Variants in SLC39A14 observed in about 807,000 individuals in gnomAD.
SLC39A14 encodes solute carrier family 39 member 14, also known as metal cation symporter ZIP14.
In SLC39A14, 19 loss-of-function variants were observed where a neutral mutation model predicts 45.5. The ratio of observed to expected loss-of-function variants is 0.42; its 90% CI spans 0.29 to 0.61. SLC39A14 has a LOEUF of 0.61. SLC39A14 is among the 20% of genes least tolerant of loss of function. The pLI is 0.22. For synonymous variants in SLC39A14, 264 were observed against 251.3 expected, an observed-to-expected ratio of 1.05 and a Z score of -0.48; for missense variants, 447 against 616.5, an observed-to-expected ratio of 0.73 and a Z score of 2.91.
Position 22,407,263 on chromosome 8 carries a change from C to T in SLC39A14, c.271-1047C>T, listed in dbSNP as rs192749872. On this transcript the variant is annotated intron_variant, in intron 2 of 8. Transcript: ENST00000381237. ...CAGCTTCAGAGAAGTAGCTGGAACC[C>T]GCATTTTAACATAATAGCTCCCTGG... Among the ~76,000 whole-genome samples the T allele has an allele frequency of 1.8e-3, 275 of 152,286 alleles. 3 individuals are homozygous for T. Among genetic ancestry groups the T allele is most frequent in the Non-Finnish European group, 2.7e-3 (187 of 68,030 alleles).
At chr8:22,404,535 C>G (rs1020765923) in intron 1 of SLC39A14, 161 bp from the exon 2 acceptor site, 1 of 520,660 alleles carries the variant, frequency 1.9e-6, no homozygotes, top group African/African-American at 2.4e-5. Context: ...TTATTCTGTG[C>G]TTTCAAAAGA....
At chr8:22,427,733 T>C (rs1836409160), downstream of SLC39A14, among the ~76,000 whole-genome samples, 1 of 152,214 alleles carries the variant, frequency 6.6e-6, no homozygotes, top group Non-Finnish European at 1.5e-5. Flanking sequence ...TAGGATTCTT[T>C]CCCCCTCTTG....
Position 22,422,624 on chromosome 8 carries a change from G to T in SLC39A14, c.*2926G>T. ...TTAGAAAAGAAAATTAACTTATGTG[G>T]ACTGTAAATGTTTTATTTGTAAGAT... On this transcript the variant is annotated 3_prime_UTR_variant, in exon 9 of 9. Coordinates refer to ENST00000381237, the MANE Select transcript of SLC39A14 (RefSeq NM_001128431.4). The T allele has an allele frequency of 5.1e-6, 5 of 981,952 alleles. No individual in the cohort carries two copies. Among genetic ancestry groups the T allele is most frequent in the Non-Finnish European group, 6.0e-6 (5 of 826,674 alleles). The allele number at this position is 981,952 out of a possible 1,614,324, so 60.8% of individuals were successfully genotyped here.
Position 22,367,340 on chromosome 8 carries a change from C to G in SLC39A14, c.-84C>G, listed in dbSNP as rs1010959536. The G allele has an allele frequency of 6.6e-6, 1 of 151,910 alleles. No homozygotes were observed. The highest frequency in any genetic ancestry group is 6.6e-5 in the Admixed American group (1 of 15,224). 9.4% of individuals were successfully genotyped at this position (151,910 alleles called of 1,614,324 possible). A position where few individuals can be genotyped will look rare whatever the true frequency, so the allele number is the denominator to read the frequency against. The stretch of plus-strand genomic sequence containing the variant: ...CGCGGACGCACCGGCTAAGCTGCTT[C>G]TGCCGCCGCCGGCCGCCTGGGACCT... On this transcript the variant is annotated 5_prime_UTR_variant, in exon 1 of 9. Coordinates refer to ENST00000381237, the MANE Select transcript of SLC39A14 (RefSeq NM_001128431.4). The surrounding 1 kb of genome is among the most constrained non-coding windows in gnomAD (Gnocchi z 4.2).
At chr8:22,376,132 T>A (rs893080558) in intron 1 of SLC39A14, among the ~76,000 whole-genome samples, 4 of 152,176 alleles carry the variant, frequency 2.6e-5, no homozygotes, top group African/African-American at 9.7e-5. Context: ...CGCAAAGTGA[T>A]GTTGCATCCT....
At chr8:22,376,661 C>T (rs936615659) in intron 1 of SLC39A14, among the ~76,000 whole-genome samples, 6 of 152,014 alleles carry the variant, frequency 3.9e-5, no homozygotes, top group East Asian at 1.9e-4. Flanking sequence ...AGGCAAAGGC[C>T]GACGTCGGGA....
At position 22,408,505 on chromosome 8, in the gene SLC39A14, G is replaced by A. The variant is rs1477311039; in HGVS notation, c.457+9G>A. 2 of 1,608,354 alleles carry A rather than the reference G, an allele frequency of 1.2e-6. No homozygotes were observed. The highest frequency in any genetic ancestry group is 1.7e-6 in the Non-Finnish European group (2 of 1,176,674). On this transcript the variant is annotated intron_variant, in intron 3 of 8. Transcript: ENST00000381237. ...GCCAAGCGCTGTTGAAGGTGAGCCA[G>A]GCCAGGAAGGCAGGAGCCCATCTCC...
chr8:22,385,058 A>C (rs564417951), intron 1 of SLC39A14, among the ~76,000 whole-genome samples: 2 of 151,504 alleles, frequency 1.3e-5, no homozygotes, highest in South Asian at 2.1e-4. Context: ...CTCAAAAAAA[A>C]CACAAAAAAA....
At chr8:22,410,093 C>T in intron 3 of SLC39A14, 12 of 1,614,138 alleles carry the variant, frequency 7.4e-6, no homozygotes, top group Non-Finnish European at 1.0e-5. Context: ...CTGTCTAACG[C>T]GCTATTCCAG....
intron 8 of SLC39A14, among the ~76,000 whole-genome samples, chr8:22,430,828 A>G (rs1183519022): frequency 5.3e-5 from 8 of 151,790 alleles, no homozygotes; most frequent in Non-Finnish European, 8.8e-5. Context: ...CTGTGCCATC[A>G]TGCCCAGCTA....
At position 22,408,465 on chromosome 8, in the gene SLC39A14, G is replaced by A. The variant is rs767710689; in HGVS notation, c.426G>A (p.Gln142=). Residue 142 remains glutamine (Q), a synonymous_variant, in exon 3 of 9, where the codon CAG becomes CAA. Coordinates refer to ENST00000381237, the MANE Select transcript of SLC39A14 (RefSeq NM_001128431.4). Reference sequence around the variant, plus strand: ...ACCAGGAAAACGAGGAGAATGAGCAGACGGAGGAGGGGCGGCCAAGCGCTG... The same window carrying A: ...ACCAGGAAAACGAGGAGAATGAGCAAACGGAGGAGGGGCGGCCAAGCGCTG... ...SENQENEENE[Q]TEEGRPSAVE... is the part of the protein sequence containing the mutation. 3 of 1,614,134 alleles carry A rather than the reference G, an allele frequency of 1.9e-6. No individual in the cohort carries two copies. The highest frequency in any genetic ancestry group is 1.7e-4 in the Middle Eastern group (1 of 6,058).
intron 1 of SLC39A14, among the ~76,000 whole-genome samples, chr8:22,368,329 G>T (rs1396704664): frequency 6.6e-6 from 1 of 151,950 alleles, no homozygotes; most frequent in Non-Finnish European, 1.5e-5. Flanking sequence ...CCATTGGGAC[G>T]GCTGTGCTCC....
At position 22,419,762 on chromosome 8, in the gene SLC39A14, G is replaced by A. The variant is rs902351392; in HGVS notation, c.*64G>A. Reference sequence around the variant, plus strand: ...TGGGCTGCCCGATCGCCAGCCCGAGGACTTACCATCCACAATGCACCACGG... The same window carrying A: ...TGGGCTGCCCGATCGCCAGCCCGAGAACTTACCATCCACAATGCACCACGG... On this transcript the variant is annotated 3_prime_UTR_variant, in exon 9 of 9. Transcript: ENST00000381237. 2 of 1,509,018 alleles carry A rather than the reference G, an allele frequency of 1.3e-6. No individual in the cohort carries two copies. Among genetic ancestry groups the A allele is most frequent in the African/African-American group, 2.8e-5 (2 of 71,674 alleles). The allele number at this position is 1,509,018 out of a possible 1,614,324, so 93.5% of individuals were successfully genotyped here. A position where few individuals can be genotyped will look rare whatever the true frequency, so the allele number is the denominator to read the frequency against.
intron 1 of SLC39A14, among the ~76,000 whole-genome samples, chr8:22,400,999 A>G (rs758908449): frequency 2.2e-4 from 34 of 152,242 alleles, no homozygotes; most frequent in South Asian, 2.1e-4. Flanking sequence ...TAGATCCTCA[A>G]AGTAATCTAA....
intron 8 of SLC39A14, 27 bp downstream of exon 8, chr8:22,417,862 A>G (rs1474516775): frequency 6.3e-7 from 1 of 1,596,448 alleles, no homozygotes; most frequent in African/African-American, 1.3e-5. Flanking sequence ...TCACTGGATG[A>G]GAGGGCGGCT....
At position 22,422,357 on chromosome 8, in the gene SLC39A14, G is replaced by T. The variant is rs962928236; in HGVS notation, c.*2659G>T. ...ATTTTGTGTCTAGTGTCAAATTGGA[G>T]CTATTCTTCACTGGTCCTTAACCTT... On this transcript the variant is annotated 3_prime_UTR_variant, in exon 9 of 9. Coordinates refer to ENST00000381237, the MANE Select transcript of SLC39A14 (RefSeq NM_001128431.4). 1 of 985,726 alleles carries T rather than the reference G, an allele frequency of 1.0e-6. No individual in the cohort carries two copies. The highest frequency in any genetic ancestry group is 1.2e-6 in the Non-Finnish European group (1 of 829,950). 61.1% of individuals were successfully genotyped at this position (985,726 alleles called of 1,614,324 possible). A position where few individuals can be genotyped will look rare whatever the true frequency, so the allele number is the denominator to read the frequency against.
chr8:22,372,244 G>A (rs1057448357), intron 1 of SLC39A14, among the ~76,000 whole-genome samples: 3 of 151,360 alleles, frequency 2.0e-5, no homozygotes, highest in East Asian at 1.9e-4. Flanking sequence ...ACTAGGCTCC[G>A]TATTCACATA....
downstream of SLC39A14, among the ~76,000 whole-genome samples, chr8:22,426,209 A>G (rs1836385234): frequency 6.6e-6 from 1 of 151,622 alleles, no homozygotes; most frequent in Admixed American, 6.6e-5. Flanking sequence ...ATTTTATTTT[A>G]TTTTGAGACA....
downstream of SLC39A14, among the ~76,000 whole-genome samples, chr8:22,427,016 G>A (rs527827353): frequency 1.3e-5 from 2 of 151,782 alleles, no homozygotes; most frequent in East Asian, 4.0e-4. Flanking sequence ...GTTGGGGCCG[G>A]GTGCAGTGGC....
Sources: gnomAD v4.1 joint callset for allele counts (sites outside exome capture counted in the v4.1 genomes callset) on GRCh38, gnomAD v4.1.1 for gene constraint, Gnocchi (gnomAD v3.1) non-coding constraint, MANE v1.5 for transcripts, NCBI Gene and HGNC (gene_info 2026-07-23, HGNC 2026-07-21) for gene names.